GPS1: variants seen among roughly 807,000 people sequenced by gnomAD.
GPS1 encodes the protein COP9 signalosome complex subunit 1.
GPS1 carries 11 observed loss-of-function variants against 60.0 expected under a neutral mutation model. The observed-to-expected ratio is 0.18, with a 90% confidence interval of 0.12 to 0.30. GPS1 has a LOEUF of 0.30. Among genes scored for constraint, GPS1 ranks in the 10% least tolerant of loss-of-function variants. The pLI is 1.00. For synonymous variants in GPS1, 343 were observed against 269.8 expected (o/e 1.27, Z -2.66); for missense variants, 543 against 669.2 (o/e 0.81, Z 2.08).
upstream of GPS1, chr17:82,050,935 T>A (rs2030444292): frequency 7.1e-7 from 1 of 1,414,186 alleles, no homozygotes; most frequent in Admixed American, 2.8e-5. Flanking sequence ...ACCCTGCTGG[T>A]GCCACCGAGG....
At chr17:82,053,796 C>G in intron 2 of GPS1, 72 bp from the exon 3 acceptor site, 1 of 1,476,954 alleles carries the variant, frequency 6.8e-7, no homozygotes, top group South Asian at 1.3e-5. Context: ...GGCCCCAACT[C>G]CTGACCCTCA....
At chr17:82,051,344 T>C (rs1292916297), upstream of GPS1, 3 of 1,465,964 alleles carry the variant, frequency 2.0e-6, no homozygotes, top group African/African-American at 1.5e-5. This position sits in a 1 kb window ranked among gnomAD's most constrained non-coding sequence, Gnocchi z 4.1. Flanking sequence ...GATAAACGTC[T>C]GGGGGAGAAA....
Position 82,054,592 on chromosome 17 carries a change from C to T in GPS1, c.391C>T (p.Arg131Trp), listed in dbSNP as rs1397148983. The T allele has an allele frequency of 3.1e-6, 5 of 1,603,730 alleles. No homozygotes were observed. The highest frequency in any genetic ancestry group is 4.2e-6 in the Non-Finnish European group (5 of 1,176,716). The change falls in exon 4 of 13, where the codon CGG becomes TGG. Residue 131 changes from arginine to tryptophan, a missense_variant. By Grantham distance (101) the Arg-to-Trp change is moderately radical. Transcript: ENST00000578552. ...ALDTAWVEAT[R>W]KKALLKLEKL... ...GGACACGGCCTGGGTGGAGGCCACG[C>T]GGAAGAAGGCGCTGCTGAAGCTGGA...
intron 1 of GPS1, 131 bp downstream of exon 1, chr17:82,052,095 G>A: frequency 1.2e-6 from 1 of 848,654 alleles, no homozygotes; most frequent in Non-Finnish European, 1.5e-6. Context: ...GGGCCTCCGC[G>A]GGCAGCGCGC....
chr17:82,056,621 C>T lies in GPS1; in HGVS notation c.1117-8C>T. 6.2e-7 allele frequency: 1 copy of T among 1,611,946 alleles called. No homozygotes were observed. Among genetic ancestry groups the T allele is most frequent in the Non-Finnish European group, 8.5e-7 (1 of 1,179,586 alleles). ...GGGCTGTGGAGCTGACTTCCCTCTG[C>T]CCTGCAGTATTTCAGCCCCTACGTG... On this transcript the variant is annotated splice_region_variant and splice_polypyrimidine_tract_variant and intron_variant, in intron 10 of 12. Coordinates refer to ENST00000578552, the MANE Select transcript of GPS1 (RefSeq NM_001321092.3).
chr17:82,056,517 GTA>G lies in GPS1; in HGVS notation c.1084_1085del (p.Tyr362HisfsTer22). 6.2e-7 allele frequency: 1 copy of G among 1,613,154 alleles called. No homozygotes were observed. Among genetic ancestry groups the G allele is most frequent in the Non-Finnish European group, 8.5e-7 (1 of 1,180,018 alleles). ...MYLAPHVRTLYTQIRNRALIQ... is the reference protein window; with the variant it reads ...MYLAPHVRTLXTQIRNRALIQ... ...ATCTGGCCCCCCATGTCAGGACCCT[GTA>G]CACCCAGATTCGCAACCGTGCCCTC... is the stretch of plus-strand genomic sequence containing the variant. On this transcript the variant is annotated frameshift_variant, in exon 10 of 13. Coordinates refer to ENST00000578552, the MANE Select transcript of GPS1 (RefSeq NM_001321092.3). LOFTEE classifies it high-confidence loss of function.
Position 82,051,910 on chromosome 17 carries a change from G to C in GPS1, c.-22G>C. 6 of 1,160,780 alleles carry C rather than the reference G, an allele frequency of 5.2e-6. No homozygotes were observed. The South Asian group carries it at 2.4e-4, about 46-fold the overall frequency. The allele number at this position is 1,160,780 out of a possible 1,614,324, so 71.9% of individuals were successfully genotyped here. On this transcript the variant is annotated 5_prime_UTR_variant, in exon 1 of 13. Coordinates refer to ENST00000578552, the MANE Select transcript of GPS1 (RefSeq NM_001321092.3). The surrounding 1 kb of genome is among the most constrained non-coding windows in gnomAD (Gnocchi z 4.1). ...TCGCTGCCCCGGAAGTGGACGGCACGCCGCGGCGGGGTGGGTGCAAGATGC... is the reference window on the plus strand; with the variant it reads ...TCGCTGCCCCGGAAGTGGACGGCACCCCGCGGCGGGGTGGGTGCAAGATGC...
intron 3 of GPS1, 123 bp from the exon 4 acceptor site, chr17:82,054,387 C>A: frequency 7.7e-7 from 1 of 1,290,686 alleles, no homozygotes; most frequent in Non-Finnish European, 1.0e-6. Context: ...GGTTTGAGGC[C>A]AGCGGGAGGT....
chr17:82,051,639 G>A, upstream of GPS1: 3 of 1,098,824 alleles, frequency 2.7e-6, no homozygotes, highest in Non-Finnish European at 3.3e-6. The surrounding 1 kb of genome is among the most constrained non-coding windows in gnomAD (Gnocchi z 4.1). Flanking sequence ...GGGCGCGCGC[G>A]GGGCCGGGGC....
chr17:82,052,197 C>A, intron 1 of GPS1: 1 of 1,473,826 alleles, frequency 6.8e-7, no homozygotes, highest in Non-Finnish European at 9.3e-7. Context: ...CCTCCCCTCC[C>A]AGCAGCTCAC....
intron 6 of GPS1, 138 bp downstream of exon 6, chr17:82,055,360 C>G (rs1471457709): frequency 2.3e-6 from 2 of 851,246 alleles, no homozygotes; most frequent in Non-Finnish European, 3.9e-6. Flanking sequence ...GGCACATGTA[C>G]AGGTGTAGGT....
At chr17:82,050,954 G>A (rs1024563935), upstream of GPS1, 1 of 1,426,092 alleles carries the variant, frequency 7.0e-7, no homozygotes, top group Non-Finnish European at 9.2e-7. Context: ...GGCTGAAGCA[G>A]GCGGCCATCG....
intron 2 of GPS1, 188 bp from the exon 3 acceptor site, chr17:82,053,680 G>A: frequency 3.2e-6 from 2 of 621,724 alleles, no homozygotes; most frequent in East Asian, 2.9e-5. Context: ...TCCTGCGCCA[G>A]GCCCACCCCA....
chr17:82,055,820 C>G lies in GPS1; in HGVS notation c.829C>G (p.Pro277Ala). 6.4e-7 allele frequency: 1 copy of G among 1,562,512 alleles called. No homozygotes were observed. The highest frequency in any genetic ancestry group is 8.7e-7 in the Non-Finnish European group (1 of 1,152,568). Residue 277 changes from proline (P) to alanine (A), a missense_variant, in exon 7 of 13, where the codon CCT becomes GCT. Around this residue, in one of 3 missense-constraint regions of GPS1, gnomAD observed 291 missense variants for 353.7 expected, o/e 0.82. Transcript: ENST00000578552. ...GGCTTCCTTTGATCACTGTGACTTC[C>G]CTGAGGTGAGGAGCCCTCTGGGGAC... ...LLASFDHCDF[P>A]ELLSPSNVAI...
chr17:82,053,348 G>C lies in GPS1; in HGVS notation c.108G>C (p.Val36=), dbSNP rs773550314. ...DPQNAPDVNY[V]VENPSLDLEQ... ...AGAATGCACCTGACGTCAACTACGT[G>C]GTGGAGAACCCCAGCCTGGTACGGA... The change falls in exon 2 of 13, where the codon GTG becomes GTC. Residue 36 remains valine (V), a synonymous_variant. Transcript: ENST00000578552. 8 of 1,521,052 alleles carry C rather than the reference G, an allele frequency of 5.3e-6. No individual in the cohort carries two copies. Among genetic ancestry groups the C allele is most frequent in the Middle Eastern group, 1.7e-4 (1 of 5,784 alleles). 94.2% of individuals were successfully genotyped at this position (1,521,052 alleles called of 1,614,324 possible). A position where few individuals can be genotyped will look rare whatever the true frequency, so the allele number is the denominator to read the frequency against.
At chr17:82,054,474 G>T in intron 3 of GPS1, 36 bp from the exon 4 acceptor site, 3 of 1,458,356 alleles carry the variant, frequency 2.1e-6, no homozygotes, top group South Asian at 2.8e-5. Flanking sequence ...TGGCCCCCGT[G>T]ACCGCCGCCA....
In GPS1 at chr17:82,057,250, G is replaced by C. The variant is rs758871614; in HGVS notation, c.*123G>C. 3 of 1,265,110 alleles carry C rather than the reference G, an allele frequency of 2.4e-6. No homozygotes were observed. The highest frequency in any genetic ancestry group is 1.9e-5 in the Admixed American group (1 of 52,212). The allele number at this position is 1,265,110 out of a possible 1,614,324, so 78.4% of individuals were successfully genotyped here. ...GGGCCTGGCCACTGGGTGCCACCCA[G>C]CCTGTGTGCCCTCCCTGGGGCTGAG... is the stretch of plus-strand genomic sequence containing the variant. On this transcript the variant is annotated 3_prime_UTR_variant, in exon 13 of 13. Coordinates refer to ENST00000578552, the MANE Select transcript of GPS1 (RefSeq NM_001321092.3).
At chr17:82,052,727 T>A (rs1024220328) in intron 1 of GPS1, 22 of 493,200 alleles carry the variant, frequency 4.5e-5, no homozygotes, top group Non-Finnish European at 8.1e-5. Flanking sequence ...GCCGAGGTCC[T>A]GGCTTCTCTG....
upstream of GPS1, chr17:82,051,197 G>A (rs1050340029): frequency 6.1e-6 from 8 of 1,307,380 alleles, no homozygotes; most frequent in African/African-American, 1.5e-5. This position sits in a 1 kb window ranked among gnomAD's most constrained non-coding sequence, Gnocchi z 4.1. Context: ...AGCCTGGGCA[G>A]AGAAAGGCAC....
Sources: allele counts gnomAD v4.1 joint callset, GRCh38; gene constraint gnomAD v4.1.1; regional missense constraint gnomAD v4.1.1; non-coding constraint Gnocchi (gnomAD v3.1); transcripts MANE v1.5; gene names NCBI Gene and HGNC (gene_info 2026-07-23, HGNC 2026-07-21).